Variants in NME6 observed in about 807,000 individuals in gnomAD.
The protein encoded by NME6 is NME/NM23 nucleoside diphosphate kinase 6.
NME6 carries 16 observed loss-of-function variants against 22.2 expected under a neutral mutation model. That is an observed-to-expected ratio of 0.72 (90% CI 0.49 to 1.09). NME6 has a LOEUF of 1.09. Among genes scored for constraint, NME6 ranks in the 50% least tolerant of loss-of-function variants. The pLI is 0.00. For missense variants in NME6, 229 were observed against 239.0 expected (o/e 0.96, Z 0.28); for synonymous variants, 58 against 85.2 (o/e 0.68, Z 1.76).
downstream of NME6, among the ~76,000 whole-genome samples, chr3:48,289,823 T>C (rs75153990): frequency 0.011 from 1,716 of 152,316 alleles, 33 homozygotes; most frequent in African/African-American, 0.039. Flanking sequence ...TTTAAATGCC[T>C]GTTATTGAAC....
chr3:48,298,202 T>G, intron 2 of NME6: 1 of 575,904 alleles, frequency 1.7e-6, no homozygotes, highest in Non-Finnish European at 3.1e-6. Flanking sequence ...CACATTGTCT[T>G]GATATTCGGT....
Position 48,294,686 on chromosome 3 carries a change from T to C in NME6, c.512A>G (p.Glu171Gly). 1 of 1,614,188 alleles carries C rather than the reference T, an allele frequency of 6.2e-7. No homozygotes were observed. The highest frequency in any genetic ancestry group is 8.5e-7 in the Non-Finnish European group (1 of 1,180,032). ...TCCAGCTACATAGTGGACACCTCCC[T>C]CTGGGCTATAGCACACAGGGCCACA... ...LRCGPVCYSP[E>G]GGVHYVAGTG... The change falls in exon 6 of 6, where the codon GAG becomes GGG. Residue 171 changes from glutamate (E) to glycine (G), a missense_variant. Transcript: ENST00000442597.
At chr3:48,291,218 A>G, downstream of NME6, 1 of 365,742 alleles carries the variant, frequency 2.7e-6, no homozygotes, top group Non-Finnish European at 5.4e-6. Flanking sequence ...TATTGGAAAA[A>G]TAAGCAGGAA....
At chr3:48,295,656 C>T in intron 4 of NME6, 1 of 241,100 alleles carries the variant, frequency 4.1e-6, no homozygotes, top group South Asian at 6.9e-5. Context: ...ATTCTCCTGC[C>T]TCAGCTTCCC....
In NME6 at chr3:48,294,707, C is replaced by T; in HGVS notation, c.491G>A (p.Gly164Asp). The change falls in exon 6 of 6, where the codon GGC (glycine) becomes GAC (aspartate). Residue 164 changes from glycine (G) to aspartate (D), a missense_variant. Gly to Asp is a moderately conservative substitution (Grantham distance 94). Transcript: ENST00000442597. Reference sequence around the variant, plus strand: ...TCCCTCTGGGCTATAGCACACAGGGCCACAGCGCAACTGGGGCTCTTCCTC... The same window carrying T: ...TCCCTCTGGGCTATAGCACACAGGGTCACAGCGCAACTGGGGCTCTTCCTC... The part of the protein sequence containing the change: ...YEEEEPQLRC[G>D]PVCYSPEGGV... 2 of 1,614,190 alleles carry T rather than the reference C, an allele frequency of 1.2e-6. No individual in the cohort carries two copies. Among genetic ancestry groups the T allele is most frequent in the Non-Finnish European group, 1.7e-6 (2 of 1,180,034 alleles).
intron 3 of NME6, 26 bp from the exon 4 acceptor site, chr3:48,296,184 A>C: frequency 6.2e-7 from 1 of 1,614,154 alleles, no homozygotes. Flanking sequence ...ACCTTCATCA[A>C]GATACCTTCA....
chr3:48,291,129 G>C, downstream of NME6: 2 of 304,984 alleles, frequency 6.6e-6, no homozygotes, highest in Non-Finnish European at 1.3e-5. Context: ...ATTGCAGTAT[G>C]TCTTATTTGG....
At chr3:48,299,683 T>C (rs539508541) in intron 1 of NME6, among the ~76,000 whole-genome samples, 292 of 152,240 alleles carry the variant, frequency 1.9e-3, no homozygotes, top group African/African-American at 6.6e-3. Context: ...GACAACATTC[T>C]CATTTATCTT....
chr3:48,292,169 C>G (rs2034557573), downstream of NME6: 1 of 152,238 alleles, frequency 6.6e-6, no homozygotes, highest in African/African-American at 2.4e-5. Context: ...CAGTCCATAG[C>G]ACTTTGTCTT....
chr3:48,296,320 T>G (rs1268133040), intron 3 of NME6, 162 bp from the exon 4 acceptor site: 15 of 940,674 alleles, frequency 1.6e-5, no homozygotes, highest in Non-Finnish European at 2.5e-5. Context: ...GGTCTGCCAC[T>G]TACAACCTGC....
chr3:48,288,006 G>C (rs536052901), downstream of NME6, among the ~76,000 whole-genome samples: 106 of 152,274 alleles, frequency 7.0e-4, no homozygotes, highest in African/African-American at 2.4e-3. Flanking sequence ...GGACGGTCTA[G>C]GAAGACGTGG....
At position 48,294,765 on chromosome 3, in the gene NME6, A is replaced by G; in HGVS notation, c.433T>C (p.Phe145Leu). 6.2e-7 allele frequency: 1 copy of G among 1,614,156 alleles called. No individual in the cohort carries two copies. Among genetic ancestry groups the G allele is most frequent in the Non-Finnish European group, 8.5e-7 (1 of 1,180,000 alleles). ...CAGCGCTGTTCACTGAAGTCAGGGA[A>G]GAAGGCTGCAATCTCTCTGCTGGCT... ...VSASREIAAF[F>L]PDFSEQRWYE... Residue 145 changes from phenylalanine (F) to leucine (L), a missense_variant, in exon 6 of 6, where the codon TTC becomes CTC. By Grantham distance (22) the Phe-to-Leu change is conservative. Transcript: ENST00000442597.
At chr3:48,295,337 T>G in intron 4 of NME6, 102 bp from the exon 5 acceptor site, 1 of 1,289,534 alleles carries the variant, frequency 7.8e-7, no homozygotes, top group Non-Finnish European at 1.1e-6. Context: ...TTCTGAGAGT[T>G]TTCCTGCCTT....
chr3:48,294,473 G>T lies in NME6; in HGVS notation c.*164C>A. On this transcript the variant is annotated 3_prime_UTR_variant, in exon 6 of 6. Coordinates refer to ENST00000442597, the MANE Select transcript of NME6 (RefSeq NM_001308426.2). ...ATTCCAGAGAAGAGGTAGATAGAAG[G>T]CTAGATCCTGGAGGATGTGCTGTGG... The T allele has an allele frequency of 1.6e-6, 1 of 614,044 alleles. No homozygotes were observed. The highest frequency in any genetic ancestry group is 2.9e-6 in the Non-Finnish European group (1 of 349,606). 38.0% of individuals were successfully genotyped at this position (614,044 alleles called of 1,614,324 possible). A position where few individuals can be genotyped will look rare whatever the true frequency, so the allele number is the denominator to read the frequency against.
chr3:48,288,106 C>T (rs142741763), downstream of NME6, among the ~76,000 whole-genome samples: 213 of 152,086 alleles, frequency 1.4e-3, no homozygotes, highest in African/African-American at 5.0e-3. Flanking sequence ...AAAGTAAGAG[C>T]GTGGTGGCTC....
chr3:48,294,875 G>C (rs1011471152), intron 5 of NME6, 72 bp from the exon 6 acceptor site: 17 of 1,534,846 alleles, frequency 1.1e-5, no homozygotes, highest in Non-Finnish European at 1.2e-5. Context: ...ATCAGGTTCA[G>C]AATCCTGAGC....
In NME6 at chr3:48,295,066, G is replaced by A; in HGVS notation, c.394+9C>T. ...CAAAATATCCTATGGCTATGGACAG[G>A]GGACTCACCCGAACCATGGGTGGTG... On this transcript the variant is annotated intron_variant, in intron 5 of 5. Transcript: ENST00000442597. 2 of 1,613,284 alleles carry A rather than the reference G, an allele frequency of 1.2e-6. No homozygotes were observed. The highest frequency in any genetic ancestry group is 1.7e-6 in the Non-Finnish European group (2 of 1,179,538).
At chr3:48,300,487 C>G (rs568721431) in intron 1 of NME6, 1 of 382,632 alleles carries the variant, frequency 2.6e-6, no homozygotes, top group South Asian at 2.0e-5. Flanking sequence ...TGCAAGTTCC[C>G]TTCAGTTCCG....
At chr3:48,296,274 G>A in intron 3 of NME6, 116 bp from the exon 4 acceptor site, 1 of 1,458,292 alleles carries the variant, frequency 6.9e-7, no homozygotes, top group Non-Finnish European at 9.4e-7. Context: ...AAAGAACAAG[G>A]ACCTTGGAGT....
Sources: allele counts gnomAD v4.1 joint callset (sites outside exome capture counted in the v4.1 genomes callset), GRCh38; gene constraint gnomAD v4.1.1; transcripts MANE v1.5; gene names NCBI Gene and HGNC (gene_info 2026-07-23, HGNC 2026-07-21).